Variants in ARSH observed in about 807,000 individuals in gnomAD.
ARSH encodes the protein arylsulfatase family member H, also known as arylsulfatase H.
In ARSH, 32 loss-of-function variants were observed where a neutral mutation model predicts 28.7. The ratio of observed to expected loss-of-function variants is 1.11; its 90% CI spans 0.84 to 1.50. The LOEUF (loss-of-function observed/expected upper bound fraction) is 1.50. Among genes scored for constraint, ARSH ranks in the 40% most tolerant of loss-of-function variants. The probability of loss-of-function intolerance (pLI) is 0.00; values close to 1 mark genes in which losing one functional copy is unlikely to be tolerated. For synonymous variants in ARSH, 176 were observed against 177.3 expected, an observed-to-expected ratio of 0.99 and a Z score of 0.06; for missense variants, 440 against 452.4, an observed-to-expected ratio of 0.97 and a Z score of 0.25.
intron 6 of ARSH, among the ~76,000 whole-genome samples, chrX:3,025,925 A>G (rs2089897680): frequency 9.0e-6 from 1 of 110,999 alleles, no homozygotes; most frequent in African/African-American, 3.3e-5. Context: ...TGTTGTGAGC[A>G]TTTCTCAGGC....
At chrX:3,028,131 C>T (rs994449834) in intron 7 of ARSH, among the ~76,000 whole-genome samples, 1 of 111,897 alleles carries the variant, frequency 8.9e-6, no homozygotes, top group East Asian at 2.8e-4. Flanking sequence ...AAACAAAACA[C>T]GTATGTGTAA....
At chrX:3,010,495 T>A (rs752360940) in intron 2 of ARSH, among the ~76,000 whole-genome samples, 1 of 111,638 alleles carries the variant, frequency 9.0e-6, no homozygotes, top group Non-Finnish European at 1.9e-5. Context: ...CTGAGATAAG[T>A]GGATCAAATC....
intron 6 of ARSH, among the ~76,000 whole-genome samples, chrX:3,025,202 G>C (rs1173441455): frequency 9.5e-6 from 1 of 105,457 alleles, no homozygotes; most frequent in African/African-American, 3.4e-5. Flanking sequence ...ATATATATTC[G>C]CTATATTCAT....
intron 8 of ARSH, among the ~76,000 whole-genome samples, chrX:3,031,937 C>A (rs189020682): frequency 6.3e-5 from 7 of 110,968 alleles, no homozygotes; most frequent in Non-Finnish European, 1.1e-4. Context: ...GGCTGCAGTT[C>A]CTCCAAGCAT....
chrX:3,020,568 G>A (rs1191806810), intron 5 of ARSH, among the ~76,000 whole-genome samples: 6 of 75,640 alleles, frequency 7.9e-5, no homozygotes, highest in Non-Finnish European at 1.4e-4. Flanking sequence ...CAGCCTGGGC[G>A]ACAGAGCCAG....
At chrX:3,028,813 C>T (rs2089905587) in intron 7 of ARSH, among the ~76,000 whole-genome samples, 1 of 111,038 alleles carries the variant, frequency 9.0e-6, no homozygotes, top group South Asian at 3.9e-4. Context: ...GGCGCCGTGG[C>T]TCACGCCTGT....
At chrX:3,032,977 C>T (rs1452719925) in intron 8 of ARSH, 41 bp from the exon 9 acceptor site, 1 of 1,166,568 alleles carries the variant, frequency 8.6e-7, no homozygotes, top group Non-Finnish European at 1.1e-6. Context: ...CCTAAAATCA[C>T]CACAAAGATG....
Position 3,018,578 on chromosome X carries a change from T to C in ARSH, c.809T>C (p.Val270Ala). 1 of 1,211,286 alleles carries C rather than the reference T, an allele frequency of 8.3e-7. No individual in the cohort carries two copies. Among genetic ancestry groups the C allele is most frequent in the Non-Finnish European group, 1.1e-6 (1 of 895,051 alleles). Residue 270 changes from valine (V) to alanine (A), a missense_variant, in exon 5 of 9, where the codon GTA (valine) becomes GCA (alanine). Transcript: ENST00000381130. The part of the protein sequence containing the change: ...PFLLFFSFLH[V>A]HTPLISKKKF... ...CTCCTCTTTTTTTCCTTCCTGCACG[T>C]ACATACTCCACTCATCTCCAAAAAG...
At chrX:3,008,849 A>G (rs1486646922) in intron 1 of ARSH, among the ~76,000 whole-genome samples, 1 of 110,588 alleles carries the variant, frequency 9.0e-6, no homozygotes, top group Non-Finnish European at 1.9e-5. Context: ...TGCTGGGGTT[A>G]CAGGCGTGAG....
chrX:3,023,301 ATATAT>A (rs2089889419), intron 5 of ARSH, among the ~76,000 whole-genome samples: 1 of 105,257 alleles, frequency 9.5e-6, no homozygotes, highest in African/African-American at 3.4e-5. Flanking sequence ...TTAATTAGAC[ATATAT>A]TATAAAATTT....
Position 3,015,034 on chromosome X carries a change from T to C in ARSH, c.405T>C (p.His135=). 8.3e-7 allele frequency: 1 copy of C among 1,211,448 alleles called. No individual in the cohort carries two copies. The highest frequency in any genetic ancestry group is 1.7e-5 in the African/African-American group (1 of 57,758). Residue 135 remains histidine (H), a synonymous_variant, in exon 4 of 9, where the codon CAT becomes CAC. Coordinates refer to ENST00000381130, the MANE Select transcript of ARSH (RefSeq NM_001011719.2). ...ATCACTGTTACCACCCGCTCAACCA[T>C]GGTTTTCACTACTTTTACGGGGTGC... ...RNDHCYHPLN[H]GFHYFYGVPF...
Position 3,021,039 on chromosome X carries a change from A to G in ARSH, c.901+2369A>G, listed in dbSNP as rs185165778. 7.2e-3 allele frequency among the ~76,000 whole-genome samples: 794 copies of G among 109,844 alleles called. 8 individuals are homozygous for G. Among genetic ancestry groups the G allele is most frequent in the African/African-American group, 0.024 (750 of 30,770 alleles). On this transcript the variant is annotated intron_variant, in intron 5 of 8. Transcript: ENST00000381130. ...ACACACATAGCACTGTATGTTGCAT[A>G]TATACACATTTATTATATATAGTTT...
chrX:3,012,661 ACTT>A (rs1198275593), intron 2 of ARSH, among the ~76,000 whole-genome samples: 1 of 91,441 alleles, frequency 1.1e-5, no homozygotes, highest in Non-Finnish European at 2.1e-5. Context: ...TCACTCCTAC[ACTT>A]CTTCATTTCA....
At chrX:3,025,485 C>T (rs1051395624) in intron 6 of ARSH, among the ~76,000 whole-genome samples, 2 of 105,607 alleles carry the variant, frequency 1.9e-5, no homozygotes, top group Admixed American at 1.1e-4. Flanking sequence ...ATAGAGTATA[C>T]ATAACCCTAC....
Position 3,018,648 on chromosome X carries a change from A to C in ARSH, c.879A>C (p.Val293=). ...AATATGGCAGGTATGGGGACAATGT[A>C]GAAGAAATGGATTGGATGGTGGGTA... ...RSKYGRYGDN[V]EEMDWMVGKI... is the part of the protein sequence containing the mutation. Residue 293 remains valine, a synonymous_variant, in exon 5 of 9, where the codon GTA becomes GTC. Transcript: ENST00000381130. The C allele has an allele frequency of 8.3e-7, 1 of 1,210,771 alleles. No homozygotes were observed. The highest frequency in any genetic ancestry group is 1.1e-6 in the Non-Finnish European group (1 of 894,920).
chrX:3,009,813 A>G (rs56785686), intron 1 of ARSH, among the ~76,000 whole-genome samples: 1,288 of 112,006 alleles, frequency 0.011, 17 homozygotes, highest in African/African-American at 0.04. Flanking sequence ...TTCATTTGTA[A>G]TAGTTTTGAC....
intron 6 of ARSH, among the ~76,000 whole-genome samples, chrX:3,027,018 C>T (rs747960709): frequency 1.2e-4 from 13 of 110,190 alleles, no homozygotes; most frequent in Admixed American, 9.8e-4. Context: ...AGTGCAGTGG[C>T]GTGATCTCGG....
intron 6 of ARSH, among the ~76,000 whole-genome samples, chrX:3,025,396 TATA>T (rs1238268919): frequency 3.8e-5 from 4 of 105,707 alleles, no homozygotes; most frequent in African/African-American, 1.0e-4. Context: ...TAATATAATA[TATA>T]ATACTATATA....
intron 5 of ARSH, among the ~76,000 whole-genome samples, chrX:3,023,088 C>T (rs1400533336): frequency 2.0e-5 from 2 of 101,395 alleles, no homozygotes; most frequent in Non-Finnish European, 3.9e-5. Context: ...TATAATAAAC[C>T]AGTACTTTAT....
Sources: allele counts gnomAD v4.1 joint callset (sites outside exome capture counted in the v4.1 genomes callset), GRCh38; gene constraint gnomAD v4.1.1; transcripts MANE v1.5; gene names NCBI Gene and HGNC (gene_info 2026-07-23, HGNC 2026-07-21).